NETO1: variants seen among roughly 807,000 people sequenced by gnomAD.
NETO1 encodes the protein neuropilin and tolloid like 1, also known as neuropilin and tolloid-like protein 1.
NETO1 carries 26 observed loss-of-function variants against 61.3 expected under a neutral mutation model. That is an observed-to-expected ratio of 0.42 (90% confidence interval 0.31 to 0.59). The LOEUF (loss-of-function observed/expected upper bound fraction) is 0.59, where lower values mean the gene tolerates loss of function less well. Among genes scored for constraint, NETO1 ranks in the 20% least tolerant of loss-of-function variants. The probability of loss-of-function intolerance (pLI) is 0.12; values close to 1 mark genes in which losing one functional copy is unlikely to be tolerated. For synonymous variants in NETO1, 225 were observed against 225.8 expected (o/e 1.00, Z 0.03); for missense variants, 531 against 662.8 (o/e 0.80, Z 2.18).
chr18:72,784,774 C>A (rs1015311535), intron 6 of NETO1, among the ~76,000 whole-genome samples: 1 of 152,194 alleles, frequency 6.6e-6, no homozygotes. Context: ...CACAAGAATT[C>A]ATTCAACCAA....
intron 4 of NETO1, among the ~76,000 whole-genome samples, chr18:72,820,861 C>T (rs552233776): frequency 1.4e-4 from 22 of 152,248 alleles, no homozygotes; most frequent in African/African-American, 5.3e-4. Flanking sequence ...AGTGGAACTA[C>T]ACTTTTGGGC....
intron 4 of NETO1, among the ~76,000 whole-genome samples, chr18:72,808,328 G>C (rs1236197791): frequency 6.6e-6 from 1 of 152,104 alleles, no homozygotes; most frequent in Non-Finnish European, 1.5e-5. Flanking sequence ...CAGTCTTTGG[G>C]ACCCAGGCTT....
At chr18:72,855,958 G>T (rs533073807) in intron 4 of NETO1, among the ~76,000 whole-genome samples, 44 of 152,220 alleles carry the variant, frequency 2.9e-4, no homozygotes, top group African/African-American at 1.1e-3. Flanking sequence ...GTCCACCCAG[G>T]TATGTTTGCT....
chr18:72,839,182 T>C (rs998207248), intron 4 of NETO1, among the ~76,000 whole-genome samples: 15 of 152,186 alleles, frequency 9.9e-5, no homozygotes, highest in Admixed American at 9.2e-4. Flanking sequence ...GGAGAAACTC[T>C]ACTGAGTATG....
intron 6 of NETO1, among the ~76,000 whole-genome samples, chr18:72,786,456 T>C (rs932749053): frequency 6.6e-6 from 1 of 152,182 alleles, no homozygotes; most frequent in Non-Finnish European, 1.5e-5. Flanking sequence ...CTTTGCAAGG[T>C]AGGACGATTT....
Position 72,746,600 on chromosome 18 carries a change from T to C in NETO1, c.*1579A>G, listed in dbSNP as rs2070437513. ...TTCTATTTGCTTATTTTTTAACATA[T>C]ATGACATTGTATTCCTAGTAGGGAA... On this transcript the variant is annotated 3_prime_UTR_variant, in exon 11 of 11. Coordinates refer to ENST00000327305, the MANE Select transcript of NETO1 (RefSeq NM_138966.5). Among the ~76,000 whole-genome samples the C allele has an allele frequency of 6.6e-6, 1 of 151,990 alleles. No individual in the cohort carries two copies. The highest frequency in any genetic ancestry group is 1.5e-5 in the Non-Finnish European group (1 of 67,940).
At chr18:72,863,919 T>C (rs1255029505) in intron 3 of NETO1, among the ~76,000 whole-genome samples, 2 of 152,126 alleles carry the variant, frequency 1.3e-5, no homozygotes, top group Admixed American at 6.5e-5. Context: ...TTAAACGTTG[T>C]ACTTAAGAGA....
At chr18:72,757,554 G>C (rs1246809565) in intron 7 of NETO1, among the ~76,000 whole-genome samples, 1 of 151,876 alleles carries the variant, frequency 6.6e-6, no homozygotes, top group Non-Finnish European at 1.5e-5. Flanking sequence ...CCTGGTTAAA[G>C]AGTAAAAAGC....
intron 7 of NETO1, among the ~76,000 whole-genome samples, chr18:72,762,222 G>A (rs1042542073): frequency 2.0e-5 from 3 of 151,192 alleles, no homozygotes; most frequent in Non-Finnish European, 4.4e-5. Flanking sequence ...GTGCAATGGC[G>A]CGATCTCCAC....
At chr18:72,840,686 G>T (rs1219197356) in intron 4 of NETO1, among the ~76,000 whole-genome samples, 1 of 152,110 alleles carries the variant, frequency 6.6e-6, no homozygotes, top group Non-Finnish European at 1.5e-5. Context: ...TATATTCTTA[G>T]ACTTAACCAA....
chr18:72,751,780 G>A (rs1191209990), intron 8 of NETO1, among the ~76,000 whole-genome samples: 5 of 152,202 alleles, frequency 3.3e-5, no homozygotes, highest in Non-Finnish European at 7.4e-5. Context: ...CGACCCAGAA[G>A]AAGCTGTGCC....
At chr18:72,760,036 G>C (rs1442630859) in intron 7 of NETO1, among the ~76,000 whole-genome samples, 2 of 152,130 alleles carry the variant, frequency 1.3e-5, no homozygotes, top group Non-Finnish European at 2.9e-5. Context: ...ATTTGCTATT[G>C]CTTTTTGTCA....
rs1178791304 is a variant in NETO1, at chr18:72,749,000, G to C, written c.*14+14C>G. The C allele has an allele frequency of 6.4e-7, 1 of 1,558,148 alleles. No homozygotes were observed. Among genetic ancestry groups the C allele is most frequent in the Non-Finnish European group, 8.9e-7 (1 of 1,129,718 alleles). On this transcript the variant is annotated intron_variant, in intron 10 of 10. Coordinates refer to ENST00000327305, the MANE Select transcript of NETO1 (RefSeq NM_138966.5). ...ACGACAAAGTAGGAAAAGGAACCAA[G>C]GGCATCTGCTTACCTTGAATTTTCT...
rs117231704 is a variant in NETO1 at position 72,786,136 on chromosome 18, T to C, written c.640-2230A>G. On this transcript the variant is annotated intron_variant, in intron 6 of 10. Coordinates refer to ENST00000327305, the MANE Select transcript of NETO1 (RefSeq NM_138966.5). The stretch of plus-strand genomic sequence containing the variant: ...ATTGAATTCCTTTGTTCAGCATTCA[T>C]ATTTATCATGCACCTATATGACAGA... Among the ~76,000 whole-genome samples the C allele has an allele frequency of 4.6e-4, 70 of 152,366 alleles. 2 individuals are homozygous for C. The East Asian group carries it at 0.013, about 29-fold the overall frequency.
intron 4 of NETO1, among the ~76,000 whole-genome samples, chr18:72,846,749 C>T (rs1325329996): frequency 6.6e-6 from 1 of 151,884 alleles, no homozygotes; most frequent in Non-Finnish European, 1.5e-5. Context: ...AATAATTTTC[C>T]CACCAGTTAA....
rs547411387 is a variant in NETO1, at chr18:72,801,979, T to C, written c.470-7575A>G. On this transcript the variant is annotated intron_variant, in intron 4 of 10. Transcript: ENST00000327305. Reference sequence around the variant, plus strand: ...CCTGACATTTCAAACAGGTTTCTTATGGAAGAATCTATTCCAAATAAAATC... The same window carrying C: ...CCTGACATTTCAAACAGGTTTCTTACGGAAGAATCTATTCCAAATAAAATC... Among the ~76,000 whole-genome samples the C allele has an allele frequency of 3.3e-5, 5 of 152,228 alleles. No individual in the cohort carries two copies. In the South Asian group the frequency reaches 1.0e-3, roughly 32 times the overall value.
intron 7 of NETO1, among the ~76,000 whole-genome samples, chr18:72,758,998 A>G (rs1214618639): frequency 6.6e-6 from 1 of 152,184 alleles, no homozygotes. Flanking sequence ...TCTCTCAGAA[A>G]TGCATATATG....
At chr18:72,857,812 T>C (rs1161270310) in intron 4 of NETO1, among the ~76,000 whole-genome samples, 1 of 152,178 alleles carries the variant, frequency 6.6e-6, no homozygotes, top group Non-Finnish European at 1.5e-5. Context: ...TCCTAATGCT[T>C]AAAGCTAATA....
At chr18:72,865,905 C>A (rs888819857) in intron 1 of NETO1, among the ~76,000 whole-genome samples, 3 of 152,040 alleles carry the variant, frequency 2.0e-5, no homozygotes, top group Admixed American at 2.0e-4. Flanking sequence ...GATTTAATAC[C>A]AAATCAATAT....
Sources: gnomAD v4.1 joint callset for allele counts (sites outside exome capture counted in the v4.1 genomes callset) on GRCh38, gnomAD v4.1.1 for gene constraint, MANE v1.5 for transcripts, NCBI Gene and HGNC (gene_info 2026-07-23, HGNC 2026-07-21) for gene names.